Variants in EVI2B observed in about 807,000 individuals in gnomAD.
EVI2B encodes protein EVI2B.
EVI2B carries 4 observed loss-of-function variants against 6.6 expected under a neutral mutation model. The observed-to-expected ratio is 0.61, with a 90% CI of 0.30 to 1.39. EVI2B has a LOEUF of 1.39. Among genes scored for constraint, EVI2B ranks in the 40% most tolerant of loss-of-function variants. The probability of loss-of-function intolerance (pLI) is 0.08; values close to 1 mark genes in which losing one functional copy is unlikely to be tolerated. For synonymous variants in EVI2B, 181 were observed against 186.8 expected (o/e 0.97, Z 0.25); for missense variants, 484 against 516.6 (o/e 0.94, Z 0.61).
chr17:31,308,266 T>C (rs2068779377), intron 1 of EVI2B, among the ~76,000 whole-genome samples: 1 of 151,902 alleles, frequency 6.6e-6, no homozygotes, highest in Admixed American at 6.6e-5. Context: ...TCCTCCCGAG[T>C]AGCTGGGACT....
intron 1 of EVI2B, among the ~76,000 whole-genome samples, chr17:31,308,996 A>T (rs1024483425): frequency 1.5e-4 from 23 of 152,206 alleles, no homozygotes; most frequent in African/African-American, 5.3e-4. Flanking sequence ...GTGTTGTACT[A>T]TCCCAGTTTT....
At chr17:31,307,999 A>G (rs1424953755) in intron 1 of EVI2B, 3 of 1,054,250 alleles carry the variant, frequency 2.8e-6, no homozygotes, top group African/African-American at 3.3e-5. Flanking sequence ...TTTTTTCCCT[A>G]TACGAATAAT....
Position 31,304,430 on chromosome 17 carries a change from A to G in EVI2B, c.1180T>C (p.Ser394Pro). 6.2e-7 allele frequency: 1 copy of G among 1,614,120 alleles called. No individual in the cohort carries two copies. Among genetic ancestry groups the G allele is most frequent in the Non-Finnish European group, 8.5e-7 (1 of 1,180,010 alleles). The change falls in exon 2 of 2, where the codon TCA becomes CCA. Residue 394 changes from serine to proline, a missense_variant. Coordinates refer to ENST00000330927, the MANE Select transcript of EVI2B (RefSeq NM_006495.4). ...CGDHKSEIIQ[S>P]FPPLDSLNLP... ...TTAAGTGAGTCAAGCGGTGGAAATG[A>G]TTGTATTATCTCAGATTTATGATCT...
chr17:31,310,869 A>G (rs1160456755), intron 1 of EVI2B, among the ~76,000 whole-genome samples: 1 of 152,104 alleles, frequency 6.6e-6, no homozygotes, highest in East Asian at 1.9e-4. Context: ...TATTTTAAAA[A>G]GAAAAACATA....
intron 1 of EVI2B, among the ~76,000 whole-genome samples, chr17:31,307,709 A>G (rs182197756): frequency 6.6e-5 from 10 of 152,236 alleles, no homozygotes; most frequent in Non-Finnish European, 1.3e-4. Flanking sequence ...CTTGTTTTGC[A>G]CATCATCAAA....
chr17:31,304,941 T>C lies in EVI2B; in HGVS notation c.669A>G (p.Val223=), dbSNP rs1431699823. The C allele has an allele frequency of 5.6e-6, 9 of 1,614,164 alleles. No homozygotes were observed. The highest frequency in any genetic ancestry group is 6.8e-6 in the Non-Finnish European group (8 of 1,180,026). The part of the protein sequence containing the change: ...TSMLVAIIII[V]LWKCLRKPVL... ...CTGGTTTCCTTAAGCATTTCCAAAGTACAATGATGATTATAGCTACCAACA... is the reference window on the plus strand; with the variant it reads ...CTGGTTTCCTTAAGCATTTCCAAAGCACAATGATGATTATAGCTACCAACA... Residue 223 remains valine (V), a synonymous_variant, in exon 2 of 2, where the codon GTA becomes GTG. Transcript: ENST00000330927.
At position 31,303,830 on chromosome 17, in the gene EVI2B, AC is replaced by A. The variant is rs2068633766; in HGVS notation, c.*432del. 1 of 152,972 alleles carries A rather than the reference AC, an allele frequency of 6.5e-6. No homozygotes were observed. Among genetic ancestry groups the A allele is most frequent in the African/African-American group, 2.4e-5 (1 of 41,448 alleles). 9.5% of individuals were successfully genotyped at this position (152,972 alleles called of 1,614,324 possible). On this transcript the variant is annotated 3_prime_UTR_variant, in exon 2 of 2. Transcript: ENST00000330927. ...CACAAACTTGGAATATTTATTTAAT[AC>A]TTGAGGTATTAATTTAAAACTTGAA...
chr17:31,305,595 A>T lies in EVI2B; in HGVS notation c.15T>A (p.Tyr5Ter), dbSNP rs1273113060. 6.2e-7 allele frequency: 1 copy of T among 1,612,322 alleles called. No homozygotes were observed. Among genetic ancestry groups the T allele is most frequent in the Non-Finnish European group, 8.5e-7 (1 of 1,179,120 alleles). The stretch of plus-strand genomic sequence containing the variant: ...GTCCACAAAACAAAATTAAGATGAA[A>T]TATTTGGGATCCATTTCAGAATATT... MDPK[Y>*]FILILFCGHL... is the part of the protein sequence containing the mutation. Residue 5 changes from tyrosine to a stop codon, truncating the protein, a stop_gained, in exon 2 of 2, where the codon TAT becomes TAA. Transcript: ENST00000330927. LOFTEE classifies it low-confidence loss of function (END_TRUNC).
chr17:31,305,450 TCC>T lies in EVI2B; in HGVS notation c.158_159del (p.Gly53GlufsTer37). 1 of 1,614,218 alleles carries T rather than the reference TCC, an allele frequency of 6.2e-7. No homozygotes were observed. The highest frequency in any genetic ancestry group is 8.5e-7 in the Non-Finnish European group (1 of 1,180,030). On this transcript the variant is annotated frameshift_variant, in exon 2 of 2. Coordinates refer to ENST00000330927, the MANE Select transcript of EVI2B (RefSeq NM_006495.4). LOFTEE classifies it low-confidence loss of function (END_TRUNC). ...AATTGTGTTGGTTGACCCAAAGGAT[TCC>T]CTGTTGTGTTTTGAGAATTAGCCAA... Reference protein sequence around the residue: ...QVLANSQNTTGNPLGQPTQFS... With the variant: ...QVLANSQNTTXNPLGQPTQFS...
chr17:31,305,120 G>A lies in EVI2B; in HGVS notation c.490C>T (p.His164Tyr), dbSNP rs779974433. The A allele has an allele frequency of 1.9e-6, 3 of 1,614,156 alleles. No individual in the cohort carries two copies. The highest frequency in any genetic ancestry group is 2.5e-6 in the Non-Finnish European group (3 of 1,180,028). ...GATGTTGGTTGTGTGGATGGATTAT[G>A]AACAGTTATTTGTTTTCTAGAAGGG... ...QIPSRKQITV[H>Y]NPSTQPTSTV... Residue 164 changes from histidine to tyrosine, a missense_variant, in exon 2 of 2, where the codon CAT (histidine) becomes TAT (tyrosine). His to Tyr is a moderately conservative substitution (Grantham distance 83, BLOSUM62 2). Coordinates refer to ENST00000330927, the MANE Select transcript of EVI2B (RefSeq NM_006495.4).
At chr17:31,308,649 T>A (rs2068793538) in intron 1 of EVI2B, among the ~76,000 whole-genome samples, 1 of 152,110 alleles carries the variant, frequency 6.6e-6, no homozygotes, top group East Asian at 1.9e-4. Flanking sequence ...TTTTTTTATT[T>A]TTCTTCCAGA....
Position 31,304,808 on chromosome 17 carries a change from A to G in EVI2B, c.802T>C (p.Ser268Pro), listed in dbSNP as rs1597800287. The G allele has an allele frequency of 5.0e-6, 8 of 1,614,012 alleles. No individual in the cohort carries two copies. In the East Asian group the frequency reaches 1.8e-4, roughly 36 times the overall value. The change falls in exon 2 of 2, where the codon TCA becomes CCA. Residue 268 changes from serine (S) to proline (P), a missense_variant. Ser to Pro is a moderately conservative substitution (Grantham distance 74, BLOSUM62 -1). Coordinates refer to ENST00000330927, the MANE Select transcript of EVI2B (RefSeq NM_006495.4). Reference sequence around the variant, plus strand: ...TTCCAGGGTGTAAGTGAAATGATTGATGTACGTTTTGTGGATATTTCATTT... The same window carrying G: ...TTCCAGGGTGTAAGTGAAATGATTGGTGTACGTTTTGTGGATATTTCATTT... ...RENEISTKRT[S>P]IISLTPWKPS...
intron 1 of EVI2B, among the ~76,000 whole-genome samples, chr17:31,310,114 G>A (rs569813978): frequency 6.6e-6 from 1 of 152,258 alleles, no homozygotes; most frequent in African/African-American, 2.4e-5. Flanking sequence ...AGGTTATTTA[G>A]CATACACATT....
chr17:31,310,681 T>C (rs911388245), intron 1 of EVI2B, among the ~76,000 whole-genome samples: 8 of 152,096 alleles, frequency 5.3e-5, no homozygotes, highest in African/African-American at 1.9e-4. Context: ...CTAGCAATTA[T>C]TCCAAAGAAC....
chr17:31,313,312 A>G (rs573522169), intron 1 of EVI2B, among the ~76,000 whole-genome samples: 1 of 152,308 alleles, frequency 6.6e-6, no homozygotes, highest in East Asian at 1.9e-4. Flanking sequence ...TGGAGGTTAT[A>G]AATTCAGTCA....
chr17:31,308,268 G>A (rs2068779484), intron 1 of EVI2B, among the ~76,000 whole-genome samples: 1 of 151,818 alleles, frequency 6.6e-6, no homozygotes, highest in African/African-American at 2.4e-5. Flanking sequence ...CTCCCGAGTA[G>A]CTGGGACTAC....
At chr17:31,307,223 T>C (rs1217133228) in intron 1 of EVI2B, among the ~76,000 whole-genome samples, 2 of 151,576 alleles carry the variant, frequency 1.3e-5, no homozygotes, top group African/African-American at 4.9e-5. Flanking sequence ...GGTTTCACCG[T>C]GTTGGCCAGG....
In EVI2B at chr17:31,304,967, T is replaced by C. The variant is rs150356636; in HGVS notation, c.643A>G (p.Met215Val). ...AILIGVLLTS[M>V]LVAIIIIVLW... Reference sequence around the variant, plus strand: ...ACAATGATGATTATAGCTACCAACATAGAAGTCAGAAGTACACCAATTAGT... The same window carrying C: ...ACAATGATGATTATAGCTACCAACACAGAAGTCAGAAGTACACCAATTAGT... Residue 215 changes from methionine to valine, a missense_variant, in exon 2 of 2, where the codon ATG becomes GTG. Coordinates refer to ENST00000330927, the MANE Select transcript of EVI2B (RefSeq NM_006495.4). The C allele has an allele frequency of 4.8e-4, 771 of 1,614,008 alleles. No homozygotes were observed. The highest frequency in any genetic ancestry group is 5.9e-4 in the Non-Finnish European group (700 of 1,180,016).
At chr17:31,306,419 T>C (rs1006364449) in intron 1 of EVI2B, among the ~76,000 whole-genome samples, 2 of 152,180 alleles carry the variant, frequency 1.3e-5, no homozygotes, top group South Asian at 4.1e-4. Flanking sequence ...GACATAGATA[T>C]AGATATAAAT....
Sources: allele counts gnomAD v4.1 joint callset (sites outside exome capture counted in the v4.1 genomes callset), GRCh38; gene constraint gnomAD v4.1.1; transcripts MANE v1.5; gene names NCBI Gene and HGNC (gene_info 2026-07-23, HGNC 2026-07-21).